Variants in SLC1A6 observed in about 807,000 individuals in gnomAD.
SLC1A6 encodes the protein excitatory amino acid transporter 4.
SLC1A6 carries 15 observed loss-of-function variants against 42.1 expected under a neutral mutation model. That is an observed-to-expected ratio of 0.36 (90% confidence interval 0.24 to 0.55). The LOEUF (loss-of-function observed/expected upper bound fraction) is 0.55. SLC1A6 is among the 20% of genes least tolerant of loss of function. The probability of loss-of-function intolerance (pLI) is 0.88; values close to 1 mark genes in which losing one functional copy is unlikely to be tolerated. For synonymous variants in SLC1A6, 317 were observed against 319.7 expected (o/e 0.99, Z 0.09); for missense variants, 542 against 772.5 (o/e 0.70, Z 3.54).
Position 14,956,584 on chromosome 19 carries a change from G to A in SLC1A6, c.1061C>T (p.Ala354Val). Residue 354 changes from alanine (A) to valine (V), a missense_variant, in exon 7 of 10, where the codon GCC becomes GTC. Ala to Val is a moderately conservative substitution (Grantham distance 64). Transcript: ENST00000594383. ...LTVIVGLFLH[A>V]GIVLPLIYFL... is the part of the protein sequence containing the mutation. ...GTAGATGAGGGGAAGGACAATGCCG[G>A]CATGGAGGAACAGGCCCACGATGAC... The A allele has an allele frequency of 2.5e-6, 4 of 1,613,902 alleles. No individual in the cohort carries two copies. Among genetic ancestry groups the A allele is most frequent in the East Asian group, 2.2e-5 (1 of 44,868 alleles).
intron 9 of SLC1A6, among the ~76,000 whole-genome samples, chr19:14,952,667 T>A (rs2045424177): frequency 6.6e-6 from 1 of 152,050 alleles, no homozygotes; most frequent in Non-Finnish European, 1.5e-5. Context: ...GACTTCTACA[T>A]AAAACAGGTA....
Position 14,972,805 on chromosome 19 carries a change from G to T in SLC1A6, c.106C>A (p.Arg36Ser). Residue 36 changes from arginine to serine, a missense_variant, in exon 2 of 10, where the codon CGC becomes AGC. By Grantham distance (110) the Arg-to-Ser change is moderately radical (BLOSUM62 -1). Coordinates refer to ENST00000594383, the MANE Select transcript of SLC1A6 (RefSeq NM_005071.3). ...ATGGTCTGCAGGCGCAGGCGCGTGCGCAGTGCTCTCTGCTGCAGGCTTTCC... is the reference window on the plus strand; with the variant it reads ...ATGGTCTGCAGGCGCAGGCGCGTGCTCAGTGCTCTCTGCTGCAGGCTTTCC... Reference protein sequence around the residue: ...LQESLQQRALRTRLRLQTMTL... With the variant: ...LQESLQQRALSTRLRLQTMTL... 2 of 1,612,378 alleles carry T rather than the reference G, an allele frequency of 1.2e-6. No homozygotes were observed. The highest frequency in any genetic ancestry group is 1.7e-6 in the Non-Finnish European group (2 of 1,179,434).
intron 6 of SLC1A6, among the ~76,000 whole-genome samples, chr19:14,958,924 G>T (rs1311209837): frequency 2.6e-5 from 4 of 152,144 alleles, no homozygotes; most frequent in Non-Finnish European, 5.9e-5. Context: ...TTGGCCTCAA[G>T]TTCCTTATAT....
At chr19:14,975,801 C>CGGAAGGGAAG (rs1568294545) in intron 1 of SLC1A6, among the ~76,000 whole-genome samples, 26 of 92,452 alleles carry the variant, frequency 2.8e-4, no homozygotes, top group Non-Finnish European at 5.3e-4. Context: ...GGGAAGGGAA[C>CGGAAGGGAAG]GGAAGGGAAG....
At chr19:15,002,353 C>G (rs936079086) in intron 1 of SLC1A6, among the ~76,000 whole-genome samples, 6 of 152,108 alleles carry the variant, frequency 3.9e-5, no homozygotes, top group African/African-American at 1.4e-4. Context: ...CCAGGCTAGC[C>G]TCAAACTCCT....
chr19:14,995,982 A>G (rs1314758366), intron 1 of SLC1A6, among the ~76,000 whole-genome samples: 1 of 152,192 alleles, frequency 6.6e-6, no homozygotes, highest in African/African-American at 2.4e-5. Context: ...TTTTACTATC[A>G]AGGTAATTTA....
intron 1 of SLC1A6, among the ~76,000 whole-genome samples, chr19:14,990,016 G>A (rs1267466961): frequency 3.3e-5 from 5 of 151,862 alleles, no homozygotes; most frequent in Admixed American, 6.6e-5. Flanking sequence ...ACAGTGTGGA[G>A]GTTTCTCAAA....
At chr19:14,977,625 T>G (rs967432519) in intron 1 of SLC1A6, 1 of 152,056 alleles carries the variant, frequency 6.6e-6, no homozygotes, top group African/African-American at 2.4e-5. Context: ...TTTTTAAAAA[T>G]TAAAAATTAG....
At chr19:15,008,375 A>G (rs1327888340) in intron 1 of SLC1A6, among the ~76,000 whole-genome samples, 1 of 151,666 alleles carries the variant, frequency 6.6e-6, no homozygotes, top group Non-Finnish European at 1.5e-5. Context: ...TATATACAGA[A>G]TATCTATTAT....
intron 1 of SLC1A6, among the ~76,000 whole-genome samples, chr19:14,993,529 T>C (rs2045831033): frequency 2.0e-5 from 3 of 152,310 alleles, no homozygotes; most frequent in South Asian, 4.1e-4. Context: ...CTGCCCGGCA[T>C]TGTACTGGGA....
At chr19:15,004,209 C>T (rs1245268521) in intron 1 of SLC1A6, among the ~76,000 whole-genome samples, 1 of 151,818 alleles carries the variant, frequency 6.6e-6, no homozygotes, top group African/African-American at 2.4e-5. Flanking sequence ...GAGCTAATTT[C>T]ACAAAGAAAT....
At chr19:14,984,002 C>A (rs1211537664), upstream of SLC1A6, among the ~76,000 whole-genome samples, 1 of 152,090 alleles carries the variant, frequency 6.6e-6, no homozygotes, top group East Asian at 1.9e-4. Flanking sequence ...GTATTTGCTA[C>A]TTCAGTGTTC....
intron 3 of SLC1A6, among the ~76,000 whole-genome samples, chr19:14,970,705 T>C (rs1177404110): frequency 1.4e-5 from 2 of 146,010 alleles, no homozygotes; most frequent in East Asian, 4.1e-4. Flanking sequence ...AGCGACACTC[T>C]GTCTCAAAAA....
At chr19:14,971,529 G>T (rs531727849) in intron 3 of SLC1A6, among the ~76,000 whole-genome samples, 4 of 152,350 alleles carry the variant, frequency 2.6e-5, no homozygotes, top group Non-Finnish European at 4.4e-5. Flanking sequence ...CTACTGAGAT[G>T]AGTGGTGTGG....
At position 14,950,236 on chromosome 19, in the gene SLC1A6, C is replaced by G. The variant is rs777842716; in HGVS notation, c.1654G>C (p.Gly552Arg). Reference protein sequence around the residue: ...PYKSLMAQEKGASRGRGGNES... With the variant: ...PYKSLMAQEKRASRGRGGNES... Reference sequence around the variant, plus strand: ...TTGCCTCCCCGTCCCCGGGATGCCCCCTTCTCCTGTGCCATGAGGGACTTG... The same window carrying G: ...TTGCCTCCCCGTCCCCGGGATGCCCGCTTCTCCTGTGCCATGAGGGACTTG... The change falls in exon 10 of 10, where the codon GGG becomes CGG. Residue 552 changes from glycine to arginine, a missense_variant. Transcript: ENST00000594383. 3.7e-6 allele frequency: 6 copies of G among 1,601,380 alleles called. No individual in the cohort carries two copies. Among genetic ancestry groups the G allele is most frequent in the Non-Finnish European group, 5.1e-6 (6 of 1,171,258 alleles).
chr19:14,959,060 T>C (rs933887918), intron 6 of SLC1A6, among the ~76,000 whole-genome samples: 1 of 152,248 alleles, frequency 6.6e-6, no homozygotes, highest in African/African-American at 2.4e-5. Context: ...AATAACTCTT[T>C]GTTAAGCCCT....
chr19:14,952,630 C>T (rs866906883), intron 9 of SLC1A6, among the ~76,000 whole-genome samples: 15 of 152,038 alleles, frequency 9.9e-5, no homozygotes, highest in Middle Eastern at 3.4e-3. Context: ...GTAGAGACAC[C>T]GCACCCGGCC....
intron 8 of SLC1A6, 38 bp downstream of exon 8, chr19:14,954,097 G>A: frequency 7.0e-7 from 1 of 1,433,388 alleles, no homozygotes. Context: ...GACCGCTTAA[G>A]TCTCACCTGC....
chr19:14,975,996 T>C (rs1467114718), intron 1 of SLC1A6, among the ~76,000 whole-genome samples: 1 of 152,134 alleles, frequency 6.6e-6, no homozygotes, highest in East Asian at 1.9e-4. Context: ...TACACTGTTC[T>C]CATAACCAAG....
Sources: gnomAD v4.1 joint callset for allele counts (sites outside exome capture counted in the v4.1 genomes callset) on GRCh38, gnomAD v4.1.1 for gene constraint, MANE v1.5 for transcripts, NCBI Gene and HGNC (gene_info 2026-07-23, HGNC 2026-07-21) for gene names.